The following ADAM33 variants were observed in gnomAD, a reference collection of about 807,000 sequenced individuals.
ADAM33 encodes the protein disintegrin and metalloproteinase domain-containing protein 33.
A neutral mutation model predicts 106.2 loss-of-function variants in ADAM33; 103 were observed. The ratio of observed to expected loss-of-function variants is 0.97; its 90% CI spans 0.83 to 1.14. ADAM33 has a LOEUF of 1.14. Ranked by LOEUF, ADAM33 falls within the 50% of genes most tolerant of loss-of-function variation. The probability of loss-of-function intolerance (pLI) is 0.00; values close to 1 mark genes in which losing one functional copy is unlikely to be tolerated. For synonymous variants in ADAM33, 483 were observed against 453.0 expected, an observed-to-expected ratio of 1.07 and a Z score of -0.84; for missense variants, 1,120 against 1,096.6, an observed-to-expected ratio of 1.02 and a Z score of -0.30.
In ADAM33 at chr20:3,680,645, G is replaced by T. The variant is rs115975446; in HGVS notation, c.98-1074C>A. On this transcript the variant is annotated intron_variant, in intron 1 of 21. Coordinates refer to ENST00000356518, the MANE Select transcript of ADAM33 (RefSeq NM_025220.5). ...GGGAGGGCTCTGAGTGGATGTGGGG[G>T]AGGGGAAGGAGGGGAGGTCTCTCAG... 3.5e-3 allele frequency among the ~76,000 whole-genome samples: 535 copies of T among 152,280 alleles called. 3 individuals carry two copies. The highest frequency in any genetic ancestry group is 0.011 in the African/African-American group (469 of 41,544).
At chr20:3,680,531 T>C (rs1486234966) in intron 1 of ADAM33, among the ~76,000 whole-genome samples, 1 of 152,112 alleles carries the variant, frequency 6.6e-6, no homozygotes, top group Non-Finnish European at 1.5e-5. Flanking sequence ...CAAGAAGCCC[T>C]CCTTGATTGG....
In ADAM33 at chr20:3,672,187, C is replaced by A; in HGVS notation, c.1544G>T (p.Trp515Leu). ...CTCCAGCGTGGGACATGCGCCATCCCAGCAGTAGCCACTGCCCCTGGCACA... is the reference window on the plus strand; with the variant it reads ...CTCCAGCGTGGGACATGCGCCATCCAAGCAGTAGCCACTGCCCCTGGCACA... The part of the protein sequence containing the change: ...SPCARGSGYC[W>L]DGACPTLEQQ... The change falls in exon 14 of 22, where the codon TGG (tryptophan) becomes TTG (leucine). Residue 515 changes from tryptophan (W) to leucine (L), a missense_variant. Coordinates refer to ENST00000356518, the MANE Select transcript of ADAM33 (RefSeq NM_025220.5). 1 of 1,613,278 alleles carries A rather than the reference C, an allele frequency of 6.2e-7. No homozygotes were observed.
At chr20:3,680,969 C>T (rs1476609551) in intron 1 of ADAM33, among the ~76,000 whole-genome samples, 3 of 152,130 alleles carry the variant, frequency 2.0e-5, no homozygotes, top group African/African-American at 7.2e-5. Flanking sequence ...CCCAGGGGTC[C>T]CATCACCTCC....
At chr20:3,678,629 G>A (rs1428918512) in intron 2 of ADAM33, among the ~76,000 whole-genome samples, 1 of 152,196 alleles carries the variant, frequency 6.6e-6, no homozygotes, top group Non-Finnish European at 1.5e-5. Context: ...CCTCTTGCTG[G>A]ATTTGGACAG....
chr20:3,673,619 G>A lies in ADAM33; in HGVS notation c.945C>T (p.Pro315=), dbSNP rs751897407. 3.8e-4 allele frequency: 522 copies of A among 1,359,168 alleles called. No individual in the cohort carries two copies. The highest frequency in any genetic ancestry group is 4.8e-4 in the Non-Finnish European group (509 of 1,063,496). The allele number at this position is 1,359,168 out of a possible 1,614,324, so 84.2% of individuals were successfully genotyped here. A position where few individuals can be genotyped will look rare whatever the true frequency, so the allele number is the denominator to read the frequency against. ...TCTCGGCGCGGCACATGCCCTCGAC[G>A]GGCGCCAGGCCCACTGTGGCGCCCT... is the stretch of plus-strand genomic sequence containing the variant. ...AFQGATVGLA[P]VEGMCRAESS... Residue 315 remains proline, a synonymous_variant, in exon 10 of 22, where the codon CCC becomes CCT. Transcript: ENST00000356518.
rs1420503622 is a variant in ADAM33 at position 3,675,790 on chromosome 20, GTCTT to G, written c.255-689_255-686del. On this transcript the variant is annotated intron_variant, in intron 3 of 21. Coordinates refer to ENST00000356518, the MANE Select transcript of ADAM33 (RefSeq NM_025220.5). This position sits in a 1 kb window ranked among gnomAD's most constrained non-coding sequence, Gnocchi z 4.1. ...GGATGGATCAATCATAAGTCAATCT[GTCTT>G]CTTTAAAGAAAATCCTTAACCCAAC... 6.6e-6 allele frequency among the ~76,000 whole-genome samples: 1 copy of G among 152,056 alleles called. No homozygotes were observed. Among genetic ancestry groups the G allele is most frequent in the Non-Finnish European group, 1.5e-5 (1 of 68,022 alleles).
At position 3,675,702 on chromosome 20, in the gene ADAM33, T is replaced by C. The variant is rs1600231074; in HGVS notation, c.255-597A>G. ...CGCTGCTTCCACCCTCCCTGCCTTC[T>C]CCACACCCACTCCGGTAATGATTCC... On this transcript the variant is annotated intron_variant, in intron 3 of 21. Transcript: ENST00000356518. This position sits in a 1 kb window ranked among gnomAD's most constrained non-coding sequence, Gnocchi z 4.1. Among the ~76,000 whole-genome samples the C allele has an allele frequency of 6.6e-6, 1 of 151,914 alleles. No individual in the cohort carries two copies. The highest frequency in any genetic ancestry group is 1.5e-5 in the Non-Finnish European group (1 of 67,960).
At chr20:3,670,878 G>A (rs1258181264) in intron 19 of ADAM33, 128 bp downstream of exon 19, 2 of 1,326,890 alleles carry the variant, frequency 1.5e-6, no homozygotes, top group Non-Finnish European at 2.0e-6. Flanking sequence ...TTCTTTCCAT[G>A]GCCTCTGGGG....
At chr20:3,670,852 T>C (rs911187628) in intron 19 of ADAM33, among the ~76,000 whole-genome samples, 154 bp downstream of exon 19, 1 of 152,162 alleles carries the variant, frequency 6.6e-6, no homozygotes, top group Admixed American at 6.5e-5. Flanking sequence ...CACTGGAACC[T>C]CCTGTTCAAA....
chr20:3,680,380 C>T, intron 1 of ADAM33, among the ~76,000 whole-genome samples: 1 of 152,134 alleles, frequency 6.6e-6, no homozygotes, highest in East Asian at 1.9e-4. Flanking sequence ...AGACAGCCTC[C>T]CCCCTCCACG....
chr20:3,670,577 A>G, intron 19 of ADAM33: 2 of 175,680 alleles, frequency 1.1e-5, no homozygotes, highest in Non-Finnish European at 1.2e-5. Flanking sequence ...GGGAACTTCA[A>G]GGGGGTGACA....
chr20:3,675,083 T>C lies in ADAM33; in HGVS notation c.277A>G (p.Ile93Val). Reference protein sequence around the residue: ...KNHRLLAPGYIETHYGPDGQP... With the variant: ...KNHRLLAPGYVETHYGPDGQP... ...CCATCTGGGCCGTAGTGGGTTTCTA[T>C]GTATCCTGGGGCCAGCAGCCTGCTG... The change falls in exon 4 of 22, where the codon ATA becomes GTA. Residue 93 changes from isoleucine to valine, a missense_variant. Ile to Val is a conservative substitution (Grantham distance 29). Coordinates refer to ENST00000356518, the MANE Select transcript of ADAM33 (RefSeq NM_025220.5). This position sits in a 1 kb window ranked among gnomAD's most constrained non-coding sequence, Gnocchi z 4.1. 2.5e-6 allele frequency: 4 copies of C among 1,613,248 alleles called. No homozygotes were observed. The South Asian group carries it at 3.3e-5, about 13-fold the overall frequency.
chr20:3,672,235 AC>A lies in ADAM33; in HGVS notation c.1495del (p.Val499PhefsTer47). On this transcript the variant is annotated frameshift_variant, in exon 14 of 22. Transcript: ENST00000356518. LOFTEE classifies it high-confidence loss of function. The part of the protein sequence containing the change: ...TGTSSHCPPD[V>X]YLLDGSPCAR... ...ACAGGGTGAGCCGTCCAGTAGGTAA[AC>A]GTCTGGGGGACAGTGGGAGGAGGTG... The A allele has an allele frequency of 6.2e-7, 1 of 1,613,408 alleles. No homozygotes were observed. Among genetic ancestry groups the A allele is most frequent in the Non-Finnish European group, 8.5e-7 (1 of 1,180,020 alleles).
chr20:3,680,415 G>A (rs1712257560), intron 1 of ADAM33, among the ~76,000 whole-genome samples: 1 of 152,178 alleles, frequency 6.6e-6, no homozygotes, highest in Admixed American at 6.5e-5. Context: ...GTCCTGCTGG[G>A]CTGATGGCTG....
In ADAM33 at chr20:3,672,845, A is replaced by G; in HGVS notation, c.1187T>C (p.Phe396Ser). The G allele has an allele frequency of 2.5e-6, 4 of 1,576,014 alleles. No individual in the cohort carries two copies. The South Asian group carries it at 3.4e-5, about 13-fold the overall frequency. ...GCAAGCGCCGCCCCCCTTGCGGAAG[A>G]AGGCGCGCAGCTGGCGGCGGCTGCA... ...SACSRRQLRAFFRKGGGACLS... is the reference protein window; with the variant it reads ...SACSRRQLRASFRKGGGACLS... The change falls in exon 12 of 22, where the codon TTC (phenylalanine) becomes TCC (serine). Residue 396 changes from phenylalanine to serine, a missense_variant. Coordinates refer to ENST00000356518, the MANE Select transcript of ADAM33 (RefSeq NM_025220.5).
intron 2 of ADAM33, among the ~76,000 whole-genome samples, chr20:3,677,559 T>C (rs2088084157): frequency 6.6e-6 from 1 of 152,200 alleles, no homozygotes; most frequent in Non-Finnish European, 1.5e-5. Context: ...CCTCAGAGCC[T>C]CTGCTACCTG....
chr20:3,674,964 G>C lies in ADAM33; in HGVS notation c.333+63C>G, dbSNP rs758294330. 16 of 1,611,064 alleles carry C rather than the reference G, an allele frequency of 9.9e-6. No homozygotes were observed. In the African/African-American group the frequency reaches 2.0e-4, roughly 20 times the overall value. On this transcript the variant is annotated intron_variant, in intron 4 of 21. Coordinates refer to ENST00000356518, the MANE Select transcript of ADAM33 (RefSeq NM_025220.5). The stretch of plus-strand genomic sequence containing the variant: ...CCCCTTAGGAATGCAAGGAGGAGTA[G>C]GGGTAGGAATGGTGGGGGGGTACCT...
In ADAM33 at chr20:3,668,856, G is replaced by T; in HGVS notation, c.*107C>A. On this transcript the variant is annotated 3_prime_UTR_variant, in exon 22 of 22. Transcript: ENST00000356518. The stretch of plus-strand genomic sequence containing the variant: ...GAAGAAACTTCCAAGCTGCCTGCAG[G>T]TGCTGGAGGTCCGGTGATTCACTGG... The T allele has an allele frequency of 7.4e-7, 1 of 1,346,616 alleles. No individual in the cohort carries two copies. Among genetic ancestry groups the T allele is most frequent in the Non-Finnish European group, 1.1e-6 (1 of 942,366 alleles). 83.4% of individuals were successfully genotyped at this position (1,346,616 alleles called of 1,614,324 possible).
At chr20:3,669,824 C>A in intron 19 of ADAM33, 187 bp from the exon 20 acceptor site, 2 of 696,528 alleles carry the variant, frequency 2.9e-6, no homozygotes. Context: ...GGGATCCAGG[C>A]TCCAAGTGAG....
Sources: gnomAD v4.1 joint callset for allele counts (sites outside exome capture counted in the v4.1 genomes callset) on GRCh38, gnomAD v4.1.1 for gene constraint, Gnocchi (gnomAD v3.1) non-coding constraint, MANE v1.5 for transcripts, NCBI Gene and HGNC (gene_info 2026-07-23, HGNC 2026-07-21) for gene names.